Variants in ATG4A observed in about 807,000 individuals in gnomAD.
ATG4A encodes autophagy related 4A cysteine peptidase.
A neutral mutation model predicts 38.4 loss-of-function variants in ATG4A; 22 were observed. The ratio of observed to expected loss-of-function variants is 0.57; its 90% CI spans 0.41 to 0.82. The LOEUF (loss-of-function observed/expected upper bound fraction) is 0.82. Among genes scored for constraint, ATG4A ranks in the 40% least tolerant of loss-of-function variants. The pLI, the probability that ATG4A is intolerant of heterozygous loss-of-function variation, is 0.00. For synonymous variants in ATG4A, 86 were observed against 100.7 expected, an observed-to-expected ratio of 0.85 and a Z score of 0.88; for missense variants, 220 against 290.0, an observed-to-expected ratio of 0.76 and a Z score of 1.75.
chrX:108,131,034 T>C (rs989046308), intron 3 of ATG4A, among the ~76,000 whole-genome samples: 1 of 112,070 alleles, frequency 8.9e-6, no homozygotes, highest in Admixed American at 9.4e-5. Flanking sequence ...ATTTAGTTCA[T>C]TTGCTTGTTT....
chrX:108,114,093 C>T (rs180885763), intron 1 of ATG4A, among the ~76,000 whole-genome samples: 30 of 112,034 alleles, frequency 2.7e-4, no homozygotes, highest in Admixed American at 1.2e-3. Flanking sequence ...ATTGTTTTGA[C>T]TTCTCAGAGA....
intron 9 of ATG4A, 145 bp from the exon 10 acceptor site, chrX:108,150,007 C>T: frequency 3.0e-6 from 2 of 662,192 alleles, no homozygotes; most frequent in South Asian, 3.2e-5. Context: ...TTTAAGCATG[C>T]TCACCCTGGC....
At chrX:108,091,732 C>T, upstream of ATG4A, 2 of 1,124,029 alleles carry the variant, frequency 1.8e-6, no homozygotes, top group South Asian at 1.8e-5. Flanking sequence ...AGACTTGGCC[C>T]CTAGCAGTGC....
At chrX:108,133,862 G>A (rs1249787304) in intron 4 of ATG4A, among the ~76,000 whole-genome samples, 195 bp from the exon 5 acceptor site, 10 of 111,991 alleles carry the variant, frequency 8.9e-5, no homozygotes, top group Non-Finnish European at 1.7e-4. Context: ...TACCCACTGA[G>A]TCCTTGAAAG....
rs2032791577 is a variant in ATG4A at position 108,126,126 on chromosome X, A to G, written c.60A>G (p.Glu20=). The change falls in exon 2 of 13, where the codon GAA becomes GAG. Residue 20 remains glutamate, a synonymous_variant. Coordinates refer to ENST00000372232, the MANE Select transcript of ATG4A (RefSeq NM_052936.5). ...TTACTATTTTCACTGACTACCTAGAAGAATATCCAGATACAGATGAGCTGG... is the reference window on the plus strand; with the variant it reads ...TTACTATTTTCACTGACTACCTAGAGGAATATCCAGATACAGATGAGCTGG... ...DQITIFTDYL[E]EYPDTDELVW... is the part of the protein sequence containing the mutation. 8.3e-7 allele frequency: 1 copy of G among 1,206,900 alleles called. No individual in the cohort carries two copies. Among genetic ancestry groups the G allele is most frequent in the Admixed American group, 2.2e-5 (1 of 45,729 alleles).
intron 1 of ATG4A, among the ~76,000 whole-genome samples, chrX:108,112,734 G>A (rs1458138255): frequency 9.0e-6 from 1 of 110,897 alleles, no homozygotes; most frequent in Non-Finnish European, 1.9e-5. Context: ...ATATAAATTT[G>A]TTTTGTGTAA....
intron 2 of ATG4A, 40 bp downstream of exon 2, chrX:108,126,227 G>T: frequency 1.0e-6 from 1 of 998,167 alleles, no homozygotes; most frequent in South Asian, 2.0e-5. Flanking sequence ...ACCCAGATGA[G>T]GTAGGCACCT....
upstream of ATG4A, among the ~76,000 whole-genome samples, chrX:108,089,593 G>A (rs1281626643): frequency 6.3e-5 from 7 of 111,821 alleles, no homozygotes; most frequent in Admixed American, 6.6e-4. Flanking sequence ...CAGCACTTTG[G>A]GAGGCTGAGG....
At chrX:108,139,969 A>T (rs1437915727) in intron 9 of ATG4A, among the ~76,000 whole-genome samples, 1 of 111,790 alleles carries the variant, frequency 8.9e-6, no homozygotes, top group African/African-American at 3.3e-5. Context: ...CACCCTCATG[A>T]CTAAATCACC....
chrX:108,115,050 A>T (rs1351592893), intron 1 of ATG4A, among the ~76,000 whole-genome samples: 1 of 110,206 alleles, frequency 9.1e-6, no homozygotes, highest in Non-Finnish European at 1.9e-5. Context: ...AGCCTTATAG[A>T]TAATATCTGA....
chrX:108,137,898 T>C lies in ATG4A; in HGVS notation c.642T>C (p.Ser214=). 1 of 1,208,587 alleles carries C rather than the reference T, an allele frequency of 8.3e-7. No individual in the cohort carries two copies. Among genetic ancestry groups the C allele is most frequent in the Non-Finnish European group, 1.1e-6 (1 of 894,239 alleles). The change falls in exon 8 of 13, where the codon TCT becomes TCC. Residue 214 remains serine, a synonymous_variant. Coordinates refer to ENST00000372232, the MANE Select transcript of ATG4A (RefSeq NM_052936.5). The stretch of plus-strand genomic sequence containing the variant: ...CTTCAAACCAGAGTAAGGGCACCTC[T>C]GCCTACTGCTCAGCCTGGAAACCCC... ...LTASNQSKGT[S]AYCSAWKPLL... is the part of the protein sequence containing the mutation.
intron 2 of ATG4A, among the ~76,000 whole-genome samples, chrX:108,127,697 A>G (rs896192824): frequency 1.8e-5 from 2 of 112,499 alleles, no homozygotes; most frequent in Non-Finnish European, 3.8e-5. Context: ...TGCTCCAAAG[A>G]AAAGGAAGAC....
At chrX:108,130,371 C>A (rs1602653115) in intron 3 of ATG4A, among the ~76,000 whole-genome samples, 1 of 112,428 alleles carries the variant, frequency 8.9e-6, no homozygotes, top group East Asian at 2.8e-4. Flanking sequence ...ATTTCATTGG[C>A]CCCTTGGAAA....
Position 108,137,110 on chromosome X carries a change from G to T in ATG4A, c.487G>T (p.Glu163Ter). 6 of 1,206,511 alleles carry T rather than the reference G, an allele frequency of 5.0e-6. No homozygotes were observed. The highest frequency in any genetic ancestry group is 6.7e-6 in the Non-Finnish European group (6 of 892,150). ...QVLKKLALFD[E>*]WNSLAVYVSM... is the part of the protein sequence containing the mutation. ...TTGCAGAAAACTTGCTTTATTTGAC[G>T]AATGGAATTCCTTGGCTGTTTATGT... Residue 163 changes from glutamate (E) to a stop codon, truncating the protein, a stop_gained, in exon 7 of 13, where the codon GAA (glutamate) becomes TAA (stop). Transcript: ENST00000372232. LOFTEE classifies it high-confidence loss of function.
chrX:108,100,789 TATATTTGCTC>T (rs1305792375), intron 1 of ATG4A, among the ~76,000 whole-genome samples: 1 of 111,898 alleles, frequency 8.9e-6, no homozygotes, highest in Admixed American at 9.5e-5. Flanking sequence ...ATTTATATGT[TATATTTGCTC>T]ATATTTGCTG....
At chrX:108,110,808 G>T (rs1306076297) in intron 1 of ATG4A, among the ~76,000 whole-genome samples, 1 of 112,276 alleles carries the variant, frequency 8.9e-6, no homozygotes, top group African/African-American at 3.2e-5. Flanking sequence ...AAGTAGTATG[G>T]ACATCATAAC....
In ATG4A at chrX:108,153,870, A is replaced by T; in HGVS notation, c.*158A>T. 2.5e-6 allele frequency: 1 copy of T among 398,956 alleles called. No homozygotes were observed. Among genetic ancestry groups the T allele is most frequent in the Non-Finnish European group, 4.4e-6 (1 of 228,753 alleles). The allele number at this position is 398,956 out of a possible 1,213,427, so 32.9% of individuals were successfully genotyped here. A position where few individuals can be genotyped will look rare whatever the true frequency, so the allele number is the denominator to read the frequency against. ...TGAGCCAATCACTGTTTCTCAGAAA[A>T]ACAAAACAAAACAAAACAAATGACA... On this transcript the variant is annotated 3_prime_UTR_variant, in exon 13 of 13. Coordinates refer to ENST00000372232, the MANE Select transcript of ATG4A (RefSeq NM_052936.5).
At chrX:108,137,226 C>A in intron 7 of ATG4A, 56 bp downstream of exon 7, 1 of 1,030,441 alleles carries the variant, frequency 9.7e-7, no homozygotes, top group Non-Finnish European at 1.3e-6. Flanking sequence ...TCCTCCCTCA[C>A]CATTCAGTAT....
chrX:108,124,852 A>G (rs1407207967), intron 1 of ATG4A, among the ~76,000 whole-genome samples: 3 of 111,955 alleles, frequency 2.7e-5, no homozygotes, highest in Non-Finnish European at 5.6e-5. Flanking sequence ...ATAAAATAAA[A>G]CAATTTATCC....
Sources: gnomAD v4.1 joint callset for allele counts (sites outside exome capture counted in the v4.1 genomes callset) on GRCh38, gnomAD v4.1.1 for gene constraint, MANE v1.5 for transcripts, NCBI Gene and HGNC (gene_info 2026-07-23, HGNC 2026-07-21) for gene names.